The following HHLA2 variants were observed in gnomAD, a reference collection of about 807,000 sequenced individuals.
HHLA2 encodes the protein HERV-H LTR-associating protein 2.
A neutral mutation model predicts 45.9 loss-of-function variants in HHLA2; 48 were observed. The observed-to-expected ratio is 1.05, with a 90% CI of 0.83 to 1.33. HHLA2 has a LOEUF of 1.33. HHLA2 is among the 40% of genes most tolerant of loss of function. The pLI, the probability that HHLA2 is intolerant of heterozygous loss-of-function variation, is 0.00. For missense variants in HHLA2, 462 were observed against 494.3 expected (o/e 0.93, Z 0.62); for synonymous variants, 161 against 173.9 (o/e 0.93, Z 0.59).
At chr3:108,328,585 C>T (rs558728122) in intron 3 of HHLA2, among the ~76,000 whole-genome samples, 1 of 152,050 alleles carries the variant, frequency 6.6e-6, no homozygotes, top group Non-Finnish European at 1.5e-5. Context: ...GGCTTTGAAT[C>T]CAAGTAGTAA....
chr3:108,352,947 T>C (rs902840790), intron 4 of HHLA2, among the ~76,000 whole-genome samples: 2 of 152,252 alleles, frequency 1.3e-5, no homozygotes, highest in Admixed American at 1.3e-4. Context: ...CCCAGCATTG[T>C]CTTCTATGTG....
intron 8 of HHLA2, among the ~76,000 whole-genome samples, chr3:108,375,002 A>G (rs1363858575): frequency 3.4e-5 from 5 of 148,678 alleles, no homozygotes; most frequent in African/African-American, 1.2e-4. Flanking sequence ...AGGACTATAA[A>G]TCATGCTGCT....
At chr3:108,305,278 G>A (rs895820839) in intron 1 of HHLA2, among the ~76,000 whole-genome samples, 19 of 152,190 alleles carry the variant, frequency 1.2e-4, no homozygotes, top group African/African-American at 4.3e-4. Context: ...AGCAAGGCAA[G>A]GGAAGATGGG....
chr3:108,373,712 T>G, intron 8 of HHLA2, among the ~76,000 whole-genome samples: 1 of 150,418 alleles, frequency 6.6e-6, no homozygotes, highest in Non-Finnish European at 1.5e-5. Flanking sequence ...AAATCATGAG[T>G]GAACTCCCAT....
At chr3:108,346,167 C>T (rs2081657387) in intron 3 of HHLA2, among the ~76,000 whole-genome samples, 1 of 152,030 alleles carries the variant, frequency 6.6e-6, no homozygotes. Flanking sequence ...AAAATAAAAA[C>T]ACACCAAAAC....
intron 3 of HHLA2, among the ~76,000 whole-genome samples, chr3:108,336,985 G>A (rs756648539): frequency 6.6e-6 from 1 of 152,158 alleles, no homozygotes; most frequent in Non-Finnish European, 1.5e-5. Flanking sequence ...CACACAGTGT[G>A]CTGGTGGTGG....
chr3:108,376,669 A>G, intron 10 of HHLA2, 112 bp downstream of exon 9: 3 of 867,314 alleles, frequency 3.5e-6, no homozygotes, highest in Non-Finnish European at 5.4e-6. Flanking sequence ...TTTATACAGA[A>G]AAAAACAGCA....
chr3:108,328,352 G>A, intron 3 of HHLA2: 3 of 1,523,840 alleles, frequency 2.0e-6, no homozygotes, highest in Non-Finnish European at 2.6e-6. Flanking sequence ...CCTCTGGTAA[G>A]TAGGGAGATA....
chr3:108,358,190 G>A (rs1221786585), intron 7 of HHLA2, 29 bp downstream of exon 6: 1 of 1,516,972 alleles, frequency 6.6e-7, no homozygotes, highest in Non-Finnish European at 9.0e-7. Context: ...TGGATAATGG[G>A]TTTTGGCTGT....
intron 2 of HHLA2, among the ~76,000 whole-genome samples, chr3:108,316,795 A>G (rs1253716629): frequency 2.0e-5 from 3 of 152,110 alleles, no homozygotes; most frequent in Non-Finnish European, 2.9e-5. Flanking sequence ...TTTTTTTCCA[A>G]ATAAAATTTG....
At chr3:108,324,265 T>C (rs1273142940) in intron 2 of HHLA2, among the ~76,000 whole-genome samples, 4 of 152,220 alleles carry the variant, frequency 2.6e-5, no homozygotes, top group African/African-American at 7.2e-5. Flanking sequence ...TGAGAAATTA[T>C]TTATGTGAAT....
At chr3:108,367,829 A>G (rs1226163232) in intron 8 of HHLA2, among the ~76,000 whole-genome samples, 1 of 152,192 alleles carries the variant, frequency 6.6e-6, no homozygotes, top group East Asian at 1.9e-4. Flanking sequence ...AAGACAAGCC[A>G]CTATTCAAAT....
chr3:108,373,711 G>A (rs1345671773), intron 8 of HHLA2, among the ~76,000 whole-genome samples: 2 of 151,438 alleles, frequency 1.3e-5, no homozygotes, highest in African/African-American at 4.8e-5. Context: ...CAAATCATGA[G>A]TGAACTCCCA....
chr3:108,345,825 G>A (rs1194581205), intron 3 of HHLA2, among the ~76,000 whole-genome samples: 1 of 152,196 alleles, frequency 6.6e-6, no homozygotes, highest in African/African-American at 2.4e-5. Context: ...GGCACAACCA[G>A]GAAGAGCATA....
intron 9 of HHLA2, 129 bp from the exon 9 acceptor site, chr3:108,376,364 T>C (rs2082274910): frequency 6.0e-6 from 4 of 662,612 alleles, no homozygotes; most frequent in Non-Finnish European, 9.9e-6. Context: ...TTTCATGTTG[T>C]TTGTTAAAGA....
At chr3:108,360,115 AT>A (rs2081962487) in intron 7 of HHLA2, among the ~76,000 whole-genome samples, 1 of 18,174 alleles carries the variant, frequency 5.5e-5, no homozygotes, top group Non-Finnish European at 1.4e-4. Context: ...GCCATCCTCT[AT>A]CCTCTACTTG....
At chr3:108,353,578 C>T (rs2124741) in exon 5 of HHLA2, 91,501 of 1,613,482 alleles carry the variant, frequency 0.057, 8,917 homozygotes, top group East Asian at 0.47. Context: ...ATAAGGTTCA[C>T]AGTTACTACA....
intron 3 of HHLA2, among the ~76,000 whole-genome samples, chr3:108,343,293 G>A (rs2081607297): frequency 1.3e-5 from 2 of 152,132 alleles, no homozygotes; most frequent in Non-Finnish European, 2.9e-5. Context: ...AAAGTTATTT[G>A]GAAGAATTGA....
chr3:108,368,966 A>T (rs1008733226), intron 8 of HHLA2, among the ~76,000 whole-genome samples: 1 of 152,192 alleles, frequency 6.6e-6, no homozygotes, highest in African/African-American at 2.4e-5. Context: ...AAAATCGACC[A>T]CATAATTGGA....
Sources: gnomAD v4.1 joint callset for allele counts (sites outside exome capture counted in the v4.1 genomes callset) on GRCh38, gnomAD v4.1.1 for gene constraint, MANE v1.5 for transcripts, NCBI Gene and HGNC (gene_info 2026-07-23, HGNC 2026-07-21) for gene names.